Variants in RBFOX1 observed in about 807,000 individuals in gnomAD.
RBFOX1 encodes RNA binding fox-1 homolog 1.
A neutral mutation model predicts 57.7 loss-of-function variants in RBFOX1; 8 were observed. The ratio of observed to expected loss-of-function variants is 0.14; its 90% CI spans 0.08 to 0.25. RBFOX1 has a LOEUF of 0.25. RBFOX1 is among the 10% of genes least tolerant of loss of function. The probability of loss-of-function intolerance (pLI) is 1.00; values close to 1 mark genes in which losing one functional copy is unlikely to be tolerated. For missense variants in RBFOX1, 611 were observed against 548.5 expected (o/e 1.11, Z -1.14); for synonymous variants, 326 against 222.4 (o/e 1.47, Z -4.15).
chr16:7,225,870 T>A (rs1458827119), intron 4 of RBFOX1, among the ~76,000 whole-genome samples: 2 of 134,724 alleles, frequency 1.5e-5, no homozygotes, highest in African/African-American at 6.4e-5. Flanking sequence ...AACCTGCATA[T>A]TGTGCACATG....
chr16:6,256,255 A>ATG lies in RBFOX1; in HGVS notation c.-126-60736_-126-60735dup, dbSNP rs774666870. ...TATGTGTATATATATATGTATATAT[A>ATG]TGTGTATATATATATGTATATATAT... is the stretch of plus-strand genomic sequence containing the variant. On this transcript the variant is annotated intron_variant, in intron 1 of 15. Transcript: ENST00000550418. Among the ~76,000 whole-genome samples the ATG allele has an allele frequency of 7.0e-3, 774 of 110,314 alleles. 10 individuals are homozygous for ATG. The highest frequency in any genetic ancestry group is 0.033 in the African/African-American group (672 of 20,410). 72.4% of individuals were successfully genotyped at this position (110,314 alleles called of 152,430 possible).
chr16:7,336,159 C>A (rs1193243061), intron 4 of RBFOX1, among the ~76,000 whole-genome samples: 1 of 152,146 alleles, frequency 6.6e-6, no homozygotes, highest in Non-Finnish European at 1.5e-5. Context: ...AGTCACTTGC[C>A]CAAGTCAGCC....
At position 6,859,119 on chromosome 16, in the gene RBFOX1, A is replaced by ATATACG. The variant is rs1555536658; in HGVS notation, c.-15-192934_-15-192933insCGTATA. Among the ~76,000 whole-genome samples the ATATACG allele has an allele frequency of 7.3e-5, 6 of 82,178 alleles. 1 individual carries two copies. The highest frequency in any genetic ancestry group is 5.1e-4 in the African/African-American group (6 of 11,682). 53.9% of individuals were successfully genotyped at this position (82,178 alleles called of 152,430 possible). On this transcript the variant is annotated intron_variant, in intron 3 of 15. Transcript: ENST00000550418. ...ATTGTCCTAAAAAAAGTGTATATAT[A>ATATACG]TATATATATACATATATATACGTAT...
At chr16:7,055,714 C>G (rs528525066) in intron 4 of RBFOX1, among the ~76,000 whole-genome samples, 4 of 152,310 alleles carry the variant, frequency 2.6e-5, no homozygotes, top group South Asian at 2.1e-4. Flanking sequence ...TTTGCAGCAT[C>G]AGGCACATTG....
At chr16:7,178,930 A>C (rs892576718) in intron 4 of RBFOX1, among the ~76,000 whole-genome samples, 3 of 152,148 alleles carry the variant, frequency 2.0e-5, no homozygotes, top group Non-Finnish European at 4.4e-5. Flanking sequence ...ATAATAGTGA[A>C]GTCTCTCTCT....
intron 4 of RBFOX1, among the ~76,000 whole-genome samples, chr16:7,419,371 C>T (rs150044790): frequency 6.6e-6 from 1 of 152,208 alleles, no homozygotes; most frequent in Admixed American, 6.5e-5. Flanking sequence ...TCTCCACTGT[C>T]TCTCATCTGA....
At chr16:6,618,408 G>C (rs1038923232) in intron 2 of RBFOX1, among the ~76,000 whole-genome samples, 1 of 152,134 alleles carries the variant, frequency 6.6e-6, no homozygotes, top group African/African-American at 2.4e-5. Context: ...ATTATTTATA[G>C]AAGAAGACAC....
chr16:6,752,734 T>A (rs901632981), intron 3 of RBFOX1, among the ~76,000 whole-genome samples: 1 of 152,192 alleles, frequency 6.6e-6, no homozygotes, highest in Non-Finnish European at 1.5e-5. Context: ...TTCAAAACTT[T>A]CCTATCCCCC....
chr16:5,950,651 T>A (rs1384344187), intron 4 of RBFOX1, among the ~76,000 whole-genome samples: 1 of 152,208 alleles, frequency 6.6e-6, no homozygotes, highest in Non-Finnish European at 1.5e-5. Flanking sequence ...GGTTATTATT[T>A]TGCACTTACC....
chr16:6,040,480 T>A (rs1025650217), intron 1 of RBFOX1, among the ~76,000 whole-genome samples: 2 of 152,250 alleles, frequency 1.3e-5, no homozygotes, highest in African/African-American at 4.8e-5. Flanking sequence ...TGTGGCTGGT[T>A]TCTTTTGCTT....
chr16:5,663,814 CA>C (rs2049741706), intron 3 of RBFOX1, among the ~76,000 whole-genome samples: 1 of 152,204 alleles, frequency 6.6e-6, no homozygotes, highest in Non-Finnish European at 1.5e-5. Context: ...CTTCACACGT[CA>C]AAGACATTCA....
chr16:5,879,652 A>G (rs2057713264), intron 4 of RBFOX1, among the ~76,000 whole-genome samples: 1 of 152,182 alleles, frequency 6.6e-6, no homozygotes, highest in South Asian at 2.1e-4. Context: ...TAGTTCATAC[A>G]TTAGTCAGGA....
intron 2 of RBFOX1, among the ~76,000 whole-genome samples, chr16:6,612,715 G>A (rs1390282667): frequency 1.3e-5 from 2 of 151,890 alleles, no homozygotes; most frequent in East Asian, 1.9e-4. Context: ...AGCCGGGTGT[G>A]GTGGTCGGTG....
intron 4 of RBFOX1, among the ~76,000 whole-genome samples, chr16:7,327,475 C>T (rs562085620): frequency 6.6e-6 from 1 of 152,084 alleles, no homozygotes. Context: ...ACATAATCTG[C>T]ACAAATCTGT....
intron 1 of RBFOX1, among the ~76,000 whole-genome samples, chr16:6,292,129 A>T (rs1392793345): frequency 6.6e-6 from 1 of 152,218 alleles, no homozygotes; most frequent in Non-Finnish European, 1.5e-5. Flanking sequence ...GCATGGTGGC[A>T]TGCAGCTGAA....
intron 3 of RBFOX1, among the ~76,000 whole-genome samples, chr16:5,809,163 A>G (rs1195998932): frequency 6.6e-6 from 1 of 152,208 alleles, no homozygotes; most frequent in Admixed American, 6.5e-5. Flanking sequence ...ACCTTATACA[A>G]AAATTAATTC....
At chr16:7,327,965 C>G (rs2096633721) in intron 4 of RBFOX1, among the ~76,000 whole-genome samples, 2 of 152,170 alleles carry the variant, frequency 1.3e-5, no homozygotes, top group African/African-American at 4.8e-5. Context: ...CCCCCTGTCT[C>G]TCATCTTCCA....
intron 1 of RBFOX1, among the ~76,000 whole-genome samples, chr16:5,458,685 G>A (rs993236267): frequency 5.3e-5 from 8 of 152,102 alleles, no homozygotes; most frequent in Non-Finnish European, 8.8e-5. Context: ...TAGGCAACTG[G>A]GTTTTAAGGA....
At chr16:6,319,654 T>G (rs1303790307) in intron 2 of RBFOX1, among the ~76,000 whole-genome samples, 1 of 152,160 alleles carries the variant, frequency 6.6e-6, no homozygotes, top group East Asian at 1.9e-4. Context: ...GATTGGCCAA[T>G]GCACATGGTG....
Sources: gnomAD v4.1 joint callset for allele counts (sites outside exome capture counted in the v4.1 genomes callset) on GRCh38, gnomAD v4.1.1 for gene constraint, MANE v1.5 for transcripts, NCBI Gene and HGNC (gene_info 2026-07-23, HGNC 2026-07-21) for gene names.